CASTOR2: variants seen among roughly 807,000 people sequenced by gnomAD.
CASTOR2 encodes the protein GATS protein like 2.
In CASTOR2, 8 loss-of-function variants were observed where a neutral mutation model predicts 31.2. The observed-to-expected ratio is 0.26, with a 90% CI of 0.15 to 0.46. The LOEUF is 0.46. CASTOR2 is among the 20% of genes least tolerant of loss of function. CASTOR2 has a pLI of 0.99. For synonymous variants in CASTOR2, 162 were observed against 158.7 expected, an observed-to-expected ratio of 1.02 and a Z score of -0.16; for missense variants, 216 against 382.1, an observed-to-expected ratio of 0.57 and a Z score of 3.62.
chr7:74,996,650 A>G (rs2131936156), intron 1 of CASTOR2, among the ~76,000 whole-genome samples: 1 of 147,046 alleles, frequency 6.8e-6, no homozygotes, highest in East Asian at 2.0e-4. Context: ...GTGTCGTGCC[A>G]TTAACCAAAA....
intron 1 of CASTOR2, among the ~76,000 whole-genome samples, chr7:74,992,620 A>G (rs1486190498): frequency 6.6e-6 from 1 of 152,016 alleles, no homozygotes; most frequent in Non-Finnish European, 1.5e-5. Context: ...TTGTATTTTT[A>G]GTAGAGACGG....
rs1805267334 is a variant in CASTOR2, at chr7:75,030,355, T to G, written c.*5656T>G. On this transcript the variant is annotated 3_prime_UTR_variant, in exon 9 of 9. Coordinates refer to ENST00000616305, the MANE Select transcript of CASTOR2 (RefSeq NM_001145064.3). ...TCAGTAGCAGTCTTGTTGTCAGGCC[T>G]TGAGTGCAGAAATGATTAGGTGAGT... Among the ~76,000 whole-genome samples, 4 of 152,306 alleles carry G rather than the reference T, an allele frequency of 2.6e-5. 1 individual carries two copies. The South Asian group carries it at 8.3e-4, about 32-fold the overall frequency.
chr7:75,015,384 C>T (rs1288348689), intron 2 of CASTOR2, among the ~76,000 whole-genome samples: 1 of 152,220 alleles, frequency 6.6e-6, no homozygotes, highest in African/African-American at 2.4e-5. Context: ...ATCCTCCCAC[C>T]TCAACCTCCC....
In CASTOR2 at chr7:75,021,871, A is replaced by G; in HGVS notation, c.747-3A>G. 1 of 1,551,656 alleles carries G rather than the reference A, an allele frequency of 6.4e-7. No individual in the cohort carries two copies. Among genetic ancestry groups the G allele is most frequent in the Non-Finnish European group, 8.7e-7 (1 of 1,146,870 alleles). ...GGGGATTCTTCTCTCGCTCCTTTTG[A>G]AGGTTTCCTAGTAACTTGCTGTTCA... On this transcript the variant is annotated splice_polypyrimidine_tract_variant and splice_region_variant and intron_variant, in intron 6 of 8. Coordinates refer to ENST00000616305, the MANE Select transcript of CASTOR2 (RefSeq NM_001145064.3).
At chr7:74,984,497 G>C (rs1300112707) in intron 1 of CASTOR2, among the ~76,000 whole-genome samples, 2 of 152,100 alleles carry the variant, frequency 1.3e-5, no homozygotes, top group Non-Finnish European at 2.9e-5. Context: ...TTGAAATGCT[G>C]GGTGATACAG....
chr7:75,023,930 C>T (rs1398916852), intron 7 of CASTOR2, among the ~76,000 whole-genome samples: 1 of 152,162 alleles, frequency 6.6e-6, no homozygotes, highest in African/African-American at 2.4e-5. Flanking sequence ...CAAACTATTT[C>T]ACTGGCCAGC....
rs1254826739 is a variant in CASTOR2 at position 75,030,719 on chromosome 7, C to T, written c.*6020C>T. Among the ~76,000 whole-genome samples, 4 of 152,114 alleles carry T rather than the reference C, an allele frequency of 2.6e-5. No homozygotes were observed. The highest frequency in any genetic ancestry group is 4.8e-5 in the African/African-American group (2 of 41,428). ...TTCAAGGGCCCAGGGTAAAAGCCAA[C>T]GTGTTATTTTTATCCCTAGCCTCAG... On this transcript the variant is annotated 3_prime_UTR_variant, in exon 9 of 9. Transcript: ENST00000616305.
chr7:74,994,709 C>T (rs1174060888), intron 1 of CASTOR2, among the ~76,000 whole-genome samples: 1 of 151,470 alleles, frequency 6.6e-6, no homozygotes, highest in South Asian at 2.1e-4. Flanking sequence ...GAGATTGTGT[C>T]GCTGCACTCC....
In CASTOR2 at chr7:75,031,310, A is replaced by AC. The variant is rs1417102429; in HGVS notation, c.*6611_*6612insC. Among the ~76,000 whole-genome samples the AC allele has an allele frequency of 6.6e-6, 1 of 152,132 alleles. No homozygotes were observed. Among genetic ancestry groups the AC allele is most frequent in the Non-Finnish European group, 1.5e-5 (1 of 68,006 alleles). ...GCGTGCCCGGGTCACCAGCAGCAGC[A>AC]GCGGCGTTCCATCGCTCCCAAGATC... is the stretch of plus-strand genomic sequence containing the variant. On this transcript the variant is annotated 3_prime_UTR_variant, in exon 9 of 9. Transcript: ENST00000616305.
chr7:75,012,111 T>G (rs1804764058), intron 2 of CASTOR2, among the ~76,000 whole-genome samples: 1 of 152,010 alleles, frequency 6.6e-6, no homozygotes, highest in South Asian at 2.1e-4. Flanking sequence ...CTAGCCTAAA[T>G]AAGGAGAAAG....
At chr7:75,022,828 A>G (rs1805036605) in intron 7 of CASTOR2, among the ~76,000 whole-genome samples, 1 of 152,176 alleles carries the variant, frequency 6.6e-6, no homozygotes, top group Non-Finnish European at 1.5e-5. Flanking sequence ...AATTTAAAAA[A>G]GAATAAATTG....
chr7:75,030,081 C>T lies in CASTOR2; in HGVS notation c.*5382C>T, dbSNP rs1031392640. ...CAGGAGCCTGAGGCCTGAGCCATGG[C>T]ATCCAGGGACAGCCTGGTGGCCGAG... On this transcript the variant is annotated 3_prime_UTR_variant, in exon 9 of 9. Transcript: ENST00000616305. Among the ~76,000 whole-genome samples, 20 of 152,208 alleles carry T rather than the reference C, an allele frequency of 1.3e-4. No individual in the cohort carries two copies. The highest frequency in any genetic ancestry group is 3.9e-4 in the Admixed American group (6 of 15,290).
chr7:75,003,093 TAAGAC>T (rs1804532930), intron 1 of CASTOR2, among the ~76,000 whole-genome samples: 2 of 152,108 alleles, frequency 1.3e-5, no homozygotes, highest in East Asian at 1.9e-4. Context: ...TTAAGCTTGA[TAAGAC>T]AAGAAACACA....
At chr7:74,973,458 A>T (rs1554435327) in intron 1 of CASTOR2, among the ~76,000 whole-genome samples, 1 of 95,570 alleles carries the variant, frequency 1.0e-5, no homozygotes, top group East Asian at 2.9e-4. Flanking sequence ...CTCCTGCTTT[A>T]GTCTCCCAAG....
intron 1 of CASTOR2, among the ~76,000 whole-genome samples, chr7:75,006,166 TC>T (rs1156280046): frequency 2.0e-5 from 3 of 152,084 alleles, no homozygotes; most frequent in Non-Finnish European, 4.4e-5. Context: ...TGCCTGTAGT[TC>T]CAGCTACTCA....
At position 75,020,083 on chromosome 7, in the gene CASTOR2, GCTT is replaced by G; in HGVS notation, c.686_688del (p.Phe229del). 1.3e-6 allele frequency: 2 copies of G among 1,551,460 alleles called. No individual in the cohort carries two copies. Among genetic ancestry groups the G allele is most frequent in the Non-Finnish European group, 1.7e-6 (2 of 1,146,822 alleles). On this transcript the variant is annotated inframe_deletion, in exon 6 of 9. Transcript: ENST00000616305. ...ACTGGGGATGACTGCGGCCACATCC[GCTT>G]CTTCTCCTTCTCCCTCATCGAGGGC...
At position 75,021,883 on chromosome 7, in the gene CASTOR2, T is replaced by C; in HGVS notation, c.756T>C (p.Ser252=). The C allele has an allele frequency of 2.6e-6, 4 of 1,551,844 alleles. No homozygotes were observed. The highest frequency in any genetic ancestry group is 3.5e-6 in the Non-Finnish European group (4 of 1,146,898). Residue 252 remains serine (S), a synonymous_variant, in exon 7 of 9, where the codon AGT becomes AGC. Coordinates refer to ENST00000616305, the MANE Select transcript of CASTOR2 (RefSeq NM_001145064.3). ...CTCGCTCCTTTTGAAGGTTTCCTAG[T>C]AACTTGCTGTTCACAAGCGCATCCG... is the stretch of plus-strand genomic sequence containing the variant. ...MDVQTQQRFP[S]NLLFTSASGE...
At chr7:75,010,410 T>G (rs1287920948) in intron 2 of CASTOR2, among the ~76,000 whole-genome samples, 3 of 151,646 alleles carry the variant, frequency 2.0e-5, no homozygotes, top group Non-Finnish European at 4.4e-5. Context: ...TAGGGCTGAG[T>G]TGGGGTAGAG....
At chr7:74,988,168 C>T (rs1189559000) in intron 1 of CASTOR2, among the ~76,000 whole-genome samples, 2 of 151,454 alleles carry the variant, frequency 1.3e-5, no homozygotes, top group Non-Finnish European at 2.9e-5. Context: ...CTGGTTCTGT[C>T]ACCCAGGCTG....
Sources: allele counts gnomAD v4.1 joint callset (sites outside exome capture counted in the v4.1 genomes callset), GRCh38; gene constraint gnomAD v4.1.1; transcripts MANE v1.5; gene names NCBI Gene and HGNC (gene_info 2026-07-23, HGNC 2026-07-21).